ADK: variants seen among roughly 807,000 people sequenced by gnomAD.
ADK encodes the protein N6,N6-dimethyladenosine kinase.
Under a neutral mutation model 44.7 loss-of-function variants are expected in ADK, and 24 were observed. The ratio of observed to expected loss-of-function variants is 0.54; its 90% CI spans 0.39 to 0.76. ADK has a LOEUF of 0.76. Ranked by LOEUF, ADK falls within the 30% of genes least tolerant of loss-of-function variation. ADK has a pLI of 0.00. For missense variants in ADK, 321 were observed against 425.1 expected (o/e 0.76, Z 2.15); for synonymous variants, 128 against 142.6 (o/e 0.90, Z 0.73).
intron 7 of ADK, among the ~76,000 whole-genome samples, chr10:74,542,637 A>G (rs997463289): frequency 1.3e-5 from 2 of 152,002 alleles, no homozygotes; most frequent in African/African-American, 4.8e-5. Flanking sequence ...TTCTGTCTCT[A>G]TTCCTACCCT....
chr10:74,171,779 GCTCA>G (rs1271150005), intron 1 of ADK, among the ~76,000 whole-genome samples: 2 of 151,244 alleles, frequency 1.3e-5, no homozygotes, highest in African/African-American at 2.4e-5. Flanking sequence ...CTCTCTCAGC[GCTCA>G]CTCTCTTTCT....
rs1166108740 is a variant in ADK, at chr10:74,162,560, TGTGA to T, written c.65+11219_65+11222del. On this transcript the variant is annotated intron_variant, in intron 1 of 10. Coordinates refer to ENST00000539909, the MANE Select transcript of ADK (RefSeq NM_006721.4). ...GTGTGTGTGTGTGTGTGTGTGTGTG[TGTGA>T]GACAGAGTCTCACTGTGTCGCCCAG... 5.8e-3 allele frequency among the ~76,000 whole-genome samples: 855 copies of T among 146,350 alleles called. 10 individuals are homozygous for T. The highest frequency in any genetic ancestry group is 0.019 in the African/African-American group (770 of 39,902).
At chr10:74,457,285 A>T (rs1044505128) in intron 6 of ADK, among the ~76,000 whole-genome samples, 3 of 152,216 alleles carry the variant, frequency 2.0e-5, no homozygotes, top group Admixed American at 1.3e-4. Context: ...AACCAGGAGG[A>T]AGTGAATCCC....
intron 4 of ADK, among the ~76,000 whole-genome samples, chr10:74,362,756 A>G (rs1236674881): frequency 6.6e-6 from 1 of 152,284 alleles, no homozygotes; most frequent in East Asian, 1.9e-4. Flanking sequence ...CCTCTGACCA[A>G]TTACAGCCAT....
chr10:74,226,528 G>A (rs774575693), intron 3 of ADK, among the ~76,000 whole-genome samples: 2 of 152,076 alleles, frequency 1.3e-5, no homozygotes, highest in Admixed American at 6.5e-5. Flanking sequence ...TCTTCTGTTC[G>A]TGCATTACTT....
chr10:74,376,905 G>C (rs1175299598), intron 4 of ADK, among the ~76,000 whole-genome samples: 3 of 151,378 alleles, frequency 2.0e-5, no homozygotes, highest in African/African-American at 7.3e-5. Flanking sequence ...CTGAGAATTT[G>C]AGCTAGAGAT....
intron 3 of ADK, among the ~76,000 whole-genome samples, chr10:74,312,114 C>T (rs1241593812): frequency 2.0e-5 from 3 of 152,086 alleles, no homozygotes; most frequent in Non-Finnish European, 4.4e-5. Flanking sequence ...TGCAGTGAGC[C>T]GAGATCGCGC....
intron 7 of ADK, among the ~76,000 whole-genome samples, chr10:74,548,627 G>GA (rs1470911286): frequency 6.6e-6 from 1 of 152,180 alleles, no homozygotes; most frequent in Non-Finnish European, 1.5e-5. Flanking sequence ...GAGATAAAGA[G>GA]AGGGAATAAA....
chr10:74,257,971 C>T (rs892738435), intron 3 of ADK, among the ~76,000 whole-genome samples: 2 of 152,100 alleles, frequency 1.3e-5, no homozygotes, highest in African/African-American at 4.8e-5. Flanking sequence ...CTGTAGTTAC[C>T]ACCCACAAGG....
chr10:74,372,681 C>A (rs1003000494), intron 4 of ADK, among the ~76,000 whole-genome samples: 1 of 151,992 alleles, frequency 6.6e-6, no homozygotes, highest in African/African-American at 2.4e-5. Flanking sequence ...CTAAAAACTA[C>A]ATAACATTGA....
intron 3 of ADK, among the ~76,000 whole-genome samples, chr10:74,289,885 T>C (rs1386327671): frequency 6.6e-6 from 1 of 151,146 alleles, no homozygotes; most frequent in African/African-American, 2.4e-5. Flanking sequence ...GGAGGGAGGA[T>C]GGAATGTATA....
At chr10:74,205,544 TGTG>T (rs1843561004) in intron 2 of ADK, among the ~76,000 whole-genome samples, 1 of 151,340 alleles carries the variant, frequency 6.6e-6, no homozygotes, top group Non-Finnish European at 1.5e-5. Context: ...GGCATGGTGG[TGTG>T]TGCCTGTAAT....
intron 9 of ADK, among the ~76,000 whole-genome samples, chr10:74,607,634 C>T (rs1243706939): frequency 6.6e-6 from 1 of 152,134 alleles, no homozygotes; most frequent in Non-Finnish European, 1.5e-5. Flanking sequence ...TTGTGGGTAA[C>T]CCAACCTTTC....
intron 6 of ADK, among the ~76,000 whole-genome samples, chr10:74,500,275 T>C (rs1447922174): frequency 6.6e-6 from 1 of 152,238 alleles, no homozygotes; most frequent in Non-Finnish European, 1.5e-5. Flanking sequence ...TTGACTACTC[T>C]ACTTTTTCCC....
intron 10 of ADK, among the ~76,000 whole-genome samples, chr10:74,704,699 CA>C (rs1283008953): frequency 6.6e-6 from 1 of 152,172 alleles, no homozygotes; most frequent in Non-Finnish European, 1.5e-5. Context: ...TTTTGCTTCA[CA>C]AAAATATTTC....
At chr10:74,483,473 C>T (rs1847148186) in intron 6 of ADK, among the ~76,000 whole-genome samples, 1 of 152,224 alleles carries the variant, frequency 6.6e-6, no homozygotes, top group Non-Finnish European at 1.5e-5. Flanking sequence ...CGGCTATTAA[C>T]ATTTGGCTCA....
chr10:74,258,484 CTTAA>C (rs1256536660), intron 3 of ADK, among the ~76,000 whole-genome samples: 4 of 151,990 alleles, frequency 2.6e-5, no homozygotes, highest in African/African-American at 9.7e-5. Flanking sequence ...AATAAGCCAC[CTTAA>C]TTAAAGTTGG....
intron 10 of ADK, among the ~76,000 whole-genome samples, chr10:74,670,526 A>G (rs1855131270): frequency 6.6e-6 from 1 of 152,234 alleles, no homozygotes; most frequent in South Asian, 2.1e-4. Context: ...TATCTGTCAG[A>G]AAATTGCATA....
chr10:74,217,187 G>T (rs1323998245), intron 2 of ADK, among the ~76,000 whole-genome samples: 1 of 152,220 alleles, frequency 6.6e-6, no homozygotes, highest in Non-Finnish European at 1.5e-5. Flanking sequence ...TTTTCCGACG[G>T]GCTTAAAAAA....
Sources: gnomAD v4.1 joint callset for allele counts (sites outside exome capture counted in the v4.1 genomes callset) on GRCh38, gnomAD v4.1.1 for gene constraint, MANE v1.5 for transcripts, NCBI Gene and HGNC (gene_info 2026-07-23, HGNC 2026-07-21) for gene names.